The following SYDE2 variants were observed in gnomAD, a reference collection of about 807,000 sequenced individuals.
The protein encoded by SYDE2 is synapse defective Rho GTPase homolog 2.
SYDE2 carries 76 observed loss-of-function variants against 91.5 expected under a neutral mutation model. That is an observed-to-expected ratio of 0.83 (90% CI 0.69 to 1.01). The LOEUF (loss-of-function observed/expected upper bound fraction) is 1.01, where lower values mean the gene tolerates loss of function less well. Ranked by LOEUF, SYDE2 falls within the 50% of genes least tolerant of loss-of-function variation. The pLI, the probability that SYDE2 is intolerant of heterozygous loss-of-function variation, is 0.00. For missense variants in SYDE2, 1,364 were observed against 1,367.7 expected (o/e 1.00, Z 0.04); for synonymous variants, 513 against 506.4 (o/e 1.01, Z -0.18).
chr1:85,156,594 CTA>C (rs2100638301), downstream of SYDE2, among the ~76,000 whole-genome samples: 1 of 152,180 alleles, frequency 6.6e-6, no homozygotes, highest in African/African-American at 2.4e-5. Flanking sequence ...CAGTTTATAG[CTA>C]TAACTCGGTG....
chr1:85,182,116 A>T lies in SYDE2; in HGVS notation c.2526T>A (p.Ile842=), dbSNP rs751952390. Residue 842 remains isoleucine, a synonymous_variant, in exon 3 of 7, where the codon ATT becomes ATA. Transcript: ENST00000341460. ...ATAATACCTGACAGCCTCTCTTTTC[A>T]ATTTCCATAATACATTTCTGTATCA... ...PLLIQKCIME[I]EKRGCQVVGL... is the part of the protein sequence containing the mutation. 6.3e-6 allele frequency: 10 copies of T among 1,587,186 alleles called. No individual in the cohort carries two copies. In the African/African-American group the frequency reaches 1.4e-4, roughly 22 times the overall value.
Position 85,200,979 on chromosome 1 carries a change from A to AG in SYDE2, c.17dup (p.Asp7Ter). On this transcript the variant is annotated frameshift_variant, in exon 1 of 7. Transcript: ENST00000341460. LOFTEE classifies it high-confidence loss of function. ...TGCCGCCCCGCCGCGCGCCCGAGTC[A>AG]GGGGGCAGGTCGTGCATGGCCTGGA... The AG allele has an allele frequency of 1.5e-6, 2 of 1,302,666 alleles. No homozygotes were observed. The highest frequency in any genetic ancestry group is 1.9e-6 in the Non-Finnish European group (2 of 1,034,414). The allele number at this position is 1,302,666 out of a possible 1,614,324, so 80.7% of individuals were successfully genotyped here.
At chr1:85,159,931 A>G (rs1253640939) in intron 6 of SYDE2, 2 of 984,514 alleles carry the variant, frequency 2.0e-6, no homozygotes, top group Non-Finnish European at 2.4e-6. Context: ...CCCAAATAAC[A>G]TTTTCCACAT....
chr1:85,178,247 C>T lies in SYDE2; in HGVS notation c.2570G>A (p.Gly857Asp), dbSNP rs1321938289. 1.3e-6 allele frequency: 2 copies of T among 1,579,160 alleles called. No individual in the cohort carries two copies. Residue 857 changes from glycine to aspartate, a missense_variant, in exon 4 of 7, where the codon GGT becomes GAT. Gly to Asp is a moderately conservative substitution (Grantham distance 94). Transcript: ENST00000341460. ...CAGTTCTTTCTTGACTGCTGCCGAA[C>T]CACATAATCGATACAGGCCTACTAC... ...CQVVGLYRLC[G>D]SAAVKKELRE... is the part of the protein sequence containing the mutation.
At chr1:85,195,563 AC>A (rs1658555956) in intron 1 of SYDE2, among the ~76,000 whole-genome samples, 1 of 151,670 alleles carries the variant, frequency 6.6e-6, no homozygotes, top group Non-Finnish European at 1.5e-5. Flanking sequence ...AGCAATAAAA[AC>A]CCTAAAGAAA....
chr1:85,184,761 C>T (rs1383360442), intron 2 of SYDE2, among the ~76,000 whole-genome samples: 1 of 151,556 alleles, frequency 6.6e-6, no homozygotes, highest in Non-Finnish European at 1.5e-5. Context: ...ACTAGGGAAA[C>T]CGAGGTGGGA....
Position 85,182,359 on chromosome 1 carries a change from A to G in SYDE2, c.2283T>C (p.His761=). 2 of 1,613,932 alleles carry G rather than the reference A, an allele frequency of 1.2e-6. No homozygotes were observed. Among genetic ancestry groups the G allele is most frequent in the South Asian group, 1.1e-5 (1 of 91,068 alleles). The change falls in exon 3 of 7, where the codon CAT becomes CAC. Residue 761 remains histidine, a synonymous_variant. Transcript: ENST00000341460. ...ATAAGGTGGGAAGAACAACAGTTCC[A>G]TGACAACAAACTCGATTTTTTCTTG... ...PTPRKNRVCC[H]GTVVLPTLFR...
Position 85,182,777 on chromosome 1 carries a change from C to T in SYDE2, c.1865G>A (p.Ser622Asn). The T allele has an allele frequency of 6.2e-7, 1 of 1,613,926 alleles. No individual in the cohort carries two copies. The highest frequency in any genetic ancestry group is 8.5e-7 in the Non-Finnish European group (1 of 1,179,856). Residue 622 changes from serine (S) to asparagine (N), a missense_variant, in exon 3 of 7, where the codon AGT becomes AAT. Transcript: ENST00000341460. ...SKYSCKGGYL[S>N]DGDSPELTTK... is the part of the protein sequence containing the mutation. ...TGTAAGTTCAGGTGAGTCTCCATCACTAAGGTAACCACCTTTGCAGGAATA... is the reference window on the plus strand; with the variant it reads ...TGTAAGTTCAGGTGAGTCTCCATCATTAAGGTAACCACCTTTGCAGGAATA...
downstream of SYDE2, among the ~76,000 whole-genome samples, chr1:85,155,517 T>C (rs572166851): frequency 9.2e-4 from 140 of 152,190 alleles, 3 homozygotes; most frequent in South Asian, 0.028. Flanking sequence ...AAGCAATTAC[T>C]TACTCCAGGA....
chr1:85,171,558 A>G (rs752472291), intron 4 of SYDE2, among the ~76,000 whole-genome samples: 7 of 152,196 alleles, frequency 4.6e-5, no homozygotes, highest in African/African-American at 9.7e-5. Context: ...TTGGCTGCAC[A>G]CTGAGGCTTT....
chr1:85,185,801 T>A (rs1002220705), intron 2 of SYDE2, among the ~76,000 whole-genome samples: 2 of 151,992 alleles, frequency 1.3e-5, no homozygotes, highest in Non-Finnish European at 2.9e-5. Context: ...TTCCTTCTCC[T>A]GCCTAATTGC....
At chr1:85,173,289 C>A (rs1230973074) in intron 4 of SYDE2, among the ~76,000 whole-genome samples, 2 of 151,990 alleles carry the variant, frequency 1.3e-5, no homozygotes, top group African/African-American at 4.8e-5. Flanking sequence ...CATCTACAGG[C>A]AAAGAAAGGG....
In SYDE2 at chr1:85,190,085, G is replaced by C. The variant is rs1458156575; in HGVS notation, c.1413C>G (p.Asp471Glu). The C allele has an allele frequency of 6.2e-7, 1 of 1,612,734 alleles. No homozygotes were observed. The highest frequency in any genetic ancestry group is 8.5e-7 in the Non-Finnish European group (1 of 1,179,224). The change falls in exon 2 of 7, where the codon GAC becomes GAG. Residue 471 changes from aspartate to glutamate, a missense_variant. Asp to Glu is a conservative substitution (Grantham distance 45). Transcript: ENST00000341460. ...CAAAAGGAGATTTCAACATGGGACT[G>C]TCCTCCACCATTATACCTTCTTGTG... Reference protein sequence around the residue: ...HKTQEGIMVEDSPMLKSPFAG... With the variant: ...HKTQEGIMVEESPMLKSPFAG...
chr1:85,189,374 TA>T (rs1337256749), intron 2 of SYDE2, among the ~76,000 whole-genome samples: 1 of 152,172 alleles, frequency 6.6e-6, no homozygotes, highest in Non-Finnish European at 1.5e-5. Context: ...ACTGGTACAC[TA>T]AAAACAAAAC....
At chr1:85,196,925 A>G (rs569924183) in intron 1 of SYDE2, among the ~76,000 whole-genome samples, 17 of 152,326 alleles carry the variant, frequency 1.1e-4, no homozygotes, top group African/African-American at 4.1e-4. Flanking sequence ...TTTAGACAAA[A>G]TACTAAGTTA....
In SYDE2 at chr1:85,157,014, T is replaced by C. The variant is rs1239475283; in HGVS notation, c.*1736A>G. ...CCTTTGACTGTTTACTCAATATATA[T>C]GTTCTCTTGGTATTCTTCTGAATTG... On this transcript the variant is annotated 3_prime_UTR_variant, in exon 7 of 7. Transcript: ENST00000341460. 2.0e-5 allele frequency: 3 copies of C among 152,064 alleles called. No homozygotes were observed. The highest frequency in any genetic ancestry group is 7.2e-5 in the African/African-American group (3 of 41,458). The allele number at this position is 152,064 out of a possible 1,614,324, so 9.4% of individuals were successfully genotyped here. A position where few individuals can be genotyped will look rare whatever the true frequency, so the allele number is the denominator to read the frequency against.
chr1:85,159,139 C>T lies in SYDE2; in HGVS notation c.3196G>A (p.Gly1066Ser). 1 of 780,796 alleles carries T rather than the reference C, an allele frequency of 1.3e-6. No individual in the cohort carries two copies. The highest frequency in any genetic ancestry group is 2.4e-6 in the Non-Finnish European group (1 of 417,956). The allele number at this position is 780,796 out of a possible 1,614,324, so 48.4% of individuals were successfully genotyped here. The change falls in exon 7 of 7, where the codon GGT becomes AGT. Residue 1066 changes from glycine (G) to serine (S), a missense_variant. Gly to Ser is a moderately conservative substitution (Grantham distance 56). Transcript: ENST00000341460. ...KERPHMLNLSGTDSSGVLRPR... is the reference protein window; with the variant it reads ...KERPHMLNLSSTDSSGVLRPR... The stretch of plus-strand genomic sequence containing the variant: ...CTAAGTACTCCTGATGAATCAGTAC[C>T]ACTCAAATTTAACATATGAGGTCGT...
chr1:85,157,122 CTGTT>C lies in SYDE2; in HGVS notation c.*1624_*1627del, dbSNP rs1178298136. The C allele has an allele frequency of 2.0e-5, 3 of 151,832 alleles. No individual in the cohort carries two copies. Among genetic ancestry groups the C allele is most frequent in the Admixed American group, 1.3e-4 (2 of 15,268 alleles). The allele number at this position is 151,832 out of a possible 1,614,324, so 9.4% of individuals were successfully genotyped here. A position where few individuals can be genotyped will look rare whatever the true frequency, so the allele number is the denominator to read the frequency against. ...AATGGGTTTTCAAATTAAATAATGTCTGTTTATCAATATTTATTGCATAGAAATA... is the reference window on the plus strand; with the variant it reads ...AATGGGTTTTCAAATTAAATAATGTCTATCAATATTTATTGCATAGAAATA... On this transcript the variant is annotated 3_prime_UTR_variant, in exon 7 of 7. Coordinates refer to ENST00000341460, the MANE Select transcript of SYDE2 (RefSeq NM_032184.2).
chr1:85,162,170 C>T (rs1489993338), intron 6 of SYDE2, among the ~76,000 whole-genome samples: 1 of 152,036 alleles, frequency 6.6e-6, no homozygotes, highest in Non-Finnish European at 1.5e-5. Context: ...CAAAAAATAA[C>T]ATGAAACAAA....
Sources: allele counts gnomAD v4.1 joint callset (sites outside exome capture counted in the v4.1 genomes callset), GRCh38; gene constraint gnomAD v4.1.1; transcripts MANE v1.5; gene names NCBI Gene and HGNC (gene_info 2026-07-23, HGNC 2026-07-21).